The following UBXN7 variants were observed in gnomAD, a reference collection of about 807,000 sequenced individuals.
UBXN7 encodes the protein UBX domain protein 7.
A neutral mutation model predicts 58.0 loss-of-function variants in UBXN7; 9 were observed. That is an observed-to-expected ratio of 0.16 (90% CI 0.09 to 0.27). The LOEUF (loss-of-function observed/expected upper bound fraction) is 0.27, where lower values mean the gene tolerates loss of function less well. Among genes scored for constraint, UBXN7 ranks in the 10% least tolerant of loss-of-function variants. The pLI is 1.00. For missense variants in UBXN7, 328 were observed against 599.6 expected (o/e 0.55, Z 4.73); for synonymous variants, 208 against 205.0 (o/e 1.01, Z -0.12).
chr3:196,381,537 A>G (rs926908082), intron 5 of UBXN7, among the ~76,000 whole-genome samples: 23 of 152,250 alleles, frequency 1.5e-4, no homozygotes, highest in Non-Finnish European at 2.8e-4. Context: ...GGGAGAAACC[A>G]GAGCAGAAAA....
intron 8 of UBXN7, among the ~76,000 whole-genome samples, chr3:196,367,540 G>A (rs1159410020): frequency 6.6e-6 from 1 of 152,146 alleles, no homozygotes; most frequent in African/African-American, 2.4e-5. Context: ...CAGTTGAGGT[G>A]AGAAGGCTGC....
At chr3:196,390,560 T>C (rs983850898) in intron 5 of UBXN7, among the ~76,000 whole-genome samples, 7 of 151,888 alleles carry the variant, frequency 4.6e-5, no homozygotes, top group African/African-American at 1.7e-4. Flanking sequence ...GCCAATATGG[T>C]GAAACCCCGT....
intron 5 of UBXN7, among the ~76,000 whole-genome samples, chr3:196,374,855 C>A (rs1471784243): frequency 2.1e-5 from 2 of 95,320 alleles, no homozygotes; most frequent in African/African-American, 8.4e-5. Context: ...CCAGCCTGGG[C>A]AACAGAGTGA....
intron 10 of UBXN7, among the ~76,000 whole-genome samples, chr3:196,359,778 G>A (rs918036984): frequency 2.0e-5 from 3 of 152,122 alleles, no homozygotes; most frequent in East Asian, 1.9e-4. Context: ...GGTGGTGGGC[G>A]CCTGTAATCC....
At chr3:196,428,574 G>A (rs566072655) in intron 1 of UBXN7, among the ~76,000 whole-genome samples, 4 of 152,020 alleles carry the variant, frequency 2.6e-5, no homozygotes, top group African/African-American at 9.7e-5. Flanking sequence ...TTGTGAGAAG[G>A]AGAATTAGTT....
At chr3:196,405,994 A>G (rs1730149521) in intron 2 of UBXN7, among the ~76,000 whole-genome samples, 1 of 152,056 alleles carries the variant, frequency 6.6e-6, no homozygotes, top group African/African-American at 2.4e-5. Context: ...TTGCTATTCA[A>G]GTTTCTGTAT....
chr3:196,386,380 TA>T (rs34268326), intron 5 of UBXN7, among the ~76,000 whole-genome samples: 22,567 of 57,978 alleles, frequency 0.39, 2,451 homozygotes, highest in East Asian at 0.66. Flanking sequence ...TAATAAACAC[TA>T]AAAAAAAAAA....
At chr3:196,400,258 C>G (rs911701693) in intron 3 of UBXN7, 2 of 151,782 alleles carry the variant, frequency 1.3e-5, no homozygotes, top group Non-Finnish European at 2.9e-5. Context: ...TTTAACTTTA[C>G]AGACAACCTG....
chr3:196,432,036 G>T (rs1228408526), intron 1 of UBXN7: 1 of 554,028 alleles, frequency 1.8e-6, no homozygotes, highest in South Asian at 2.0e-5. Context: ...TCCCCGGGCC[G>T]GCGGGGGCGG....
chr3:196,398,171 A>C (rs1015114523), intron 3 of UBXN7, among the ~76,000 whole-genome samples: 2 of 152,200 alleles, frequency 1.3e-5, no homozygotes, highest in Non-Finnish European at 2.9e-5. Context: ...TAGCCACATG[A>C]ATGAGTTTAG....
intron 5 of UBXN7, among the ~76,000 whole-genome samples, chr3:196,375,183 CCACACACA>C (rs56188527): frequency 0.062 from 8,681 of 139,748 alleles, 289 homozygotes; most frequent in South Asian, 0.1. Flanking sequence ...GGTGCTCTTA[CCACACACA>C]CACACACACA....
At chr3:196,362,736 A>G in intron 8 of UBXN7, 49 bp from the exon 9 acceptor site, 1 of 1,543,178 alleles carries the variant, frequency 6.5e-7, no homozygotes, top group Non-Finnish European at 8.7e-7. Context: ...GTTAAACCAA[A>G]AAACAAGTCA....
chr3:196,416,712 A>G (rs1730497566), intron 1 of UBXN7, among the ~76,000 whole-genome samples: 1 of 152,186 alleles, frequency 6.6e-6, no homozygotes, highest in African/African-American at 2.4e-5. Flanking sequence ...CAATTCAGAG[A>G]TTAATTTGGG....
intron 1 of UBXN7, among the ~76,000 whole-genome samples, chr3:196,426,646 C>T (rs779295155): frequency 7.9e-5 from 12 of 151,960 alleles, no homozygotes; most frequent in South Asian, 2.1e-4. Flanking sequence ...GTCGGGAGTT[C>T]GAGACCAGCC....
At chr3:196,374,887 G>A (rs1223609148) in intron 5 of UBXN7, among the ~76,000 whole-genome samples, 25 of 13,914 alleles carry the variant, frequency 1.8e-3, no homozygotes, top group Non-Finnish European at 3.9e-3. Flanking sequence ...GGGAGGGGAG[G>A]GGGAGGGGAG....
intron 1 of UBXN7, among the ~76,000 whole-genome samples, chr3:196,408,706 A>G (rs142715805): frequency 1.3e-5 from 2 of 152,144 alleles, no homozygotes; most frequent in East Asian, 3.9e-4. Context: ...GCTGACAGCT[A>G]TTTTCTCTCA....
chr3:196,380,694 G>T (rs540343794), intron 5 of UBXN7, among the ~76,000 whole-genome samples: 2 of 152,264 alleles, frequency 1.3e-5, no homozygotes, highest in Admixed American at 6.5e-5. Flanking sequence ...CCTGGGAAGT[G>T]CAAGGGGTCG....
intron 4 of UBXN7, 124 bp downstream of exon 4, chr3:196,393,430 G>T: frequency 1.1e-6 from 1 of 872,778 alleles, no homozygotes; most frequent in Non-Finnish European, 1.7e-6. Flanking sequence ...TCACATTCTG[G>T]ATCCATAATT....
intron 1 of UBXN7, among the ~76,000 whole-genome samples, chr3:196,422,725 G>T (rs1052636336): frequency 6.6e-6 from 1 of 152,068 alleles, no homozygotes; most frequent in African/African-American, 2.4e-5. Context: ...CAGCTTCTTA[G>T]AAAGTTAATA....
Sources: gnomAD v4.1 joint callset for allele counts (sites outside exome capture counted in the v4.1 genomes callset) on GRCh38, gnomAD v4.1.1 for gene constraint, MANE v1.5 for transcripts, NCBI Gene and HGNC (gene_info 2026-07-23, HGNC 2026-07-21) for gene names.